The following STAU2 variants were observed in gnomAD, a reference collection of about 807,000 sequenced individuals.
STAU2 encodes the protein double-stranded RNA-binding protein Staufen homolog 2.
Under a neutral mutation model 65.9 loss-of-function variants are expected in STAU2, and 20 were observed. The observed-to-expected ratio is 0.30, with a 90% CI of 0.21 to 0.44. STAU2 has a LOEUF of 0.44. Ranked by LOEUF, STAU2 falls within the 20% of genes least tolerant of loss-of-function variation. The pLI is 1.00. For synonymous variants in STAU2, 232 were observed against 233.9 expected (o/e 0.99, Z 0.07); for missense variants, 558 against 683.9 (o/e 0.82, Z 2.05).
chr8:73,564,104 A>G (rs573476918), intron 12 of STAU2, among the ~76,000 whole-genome samples: 92 of 152,288 alleles, frequency 6.0e-4, no homozygotes, highest in African/African-American at 2.1e-3. Flanking sequence ...TCCAGATCAC[A>G]ACTTCTCCCT....
intron 5 of STAU2, among the ~76,000 whole-genome samples, chr8:73,684,313 G>C (rs1818642090): frequency 6.6e-6 from 1 of 152,064 alleles, no homozygotes; most frequent in Admixed American, 6.6e-5. Flanking sequence ...CCAATACTTA[G>C]AGCAAACTGA....
intron 6 of STAU2, among the ~76,000 whole-genome samples, chr8:73,642,841 T>A (rs892485673): frequency 6.6e-6 from 1 of 152,088 alleles, no homozygotes; most frequent in Non-Finnish European, 1.5e-5. Context: ...TAAATACCTC[T>A]AAAATGGGAG....
chr8:73,566,999 T>C (rs981304349), intron 12 of STAU2, among the ~76,000 whole-genome samples: 18 of 152,338 alleles, frequency 1.2e-4, no homozygotes, highest in African/African-American at 3.8e-4. Context: ...ATACTAATTA[T>C]GCCAACCATT....
chr8:73,534,846 A>G (rs1056280984), intron 13 of STAU2, among the ~76,000 whole-genome samples: 1 of 152,194 alleles, frequency 6.6e-6, no homozygotes, highest in African/African-American at 2.4e-5. Context: ...GTTTCACTCT[A>G]AATGCAATAT....
At chr8:73,726,475 C>T (rs966583345) in intron 3 of STAU2, among the ~76,000 whole-genome samples, 1 of 151,792 alleles carries the variant, frequency 6.6e-6, no homozygotes, top group African/African-American at 2.4e-5. Context: ...TTTTCTGTTG[C>T]CCCTCCCTTC....
chr8:73,657,909 G>A (rs189067508), intron 6 of STAU2, among the ~76,000 whole-genome samples: 18 of 152,116 alleles, frequency 1.2e-4, no homozygotes, highest in African/African-American at 2.9e-4. Flanking sequence ...AGCTACTAGG[G>A]AAGCTGAGGC....
At chr8:73,696,658 A>C (rs1819709590) in intron 4 of STAU2, among the ~76,000 whole-genome samples, 1 of 152,242 alleles carries the variant, frequency 6.6e-6, no homozygotes, top group Non-Finnish European at 1.5e-5. Context: ...GTGAGCTTGA[A>C]GACAGGCTAT....
At chr8:73,745,294 A>G (rs529011554) in intron 1 of STAU2, among the ~76,000 whole-genome samples, 1 of 152,382 alleles carries the variant, frequency 6.6e-6, no homozygotes, top group South Asian at 2.1e-4. Flanking sequence ...ATCTGGCCAT[A>G]CTACAAAACA....
intron 13 of STAU2, among the ~76,000 whole-genome samples, chr8:73,516,773 T>C (rs932473939): frequency 5.3e-5 from 8 of 152,172 alleles, no homozygotes; most frequent in Non-Finnish European, 1.5e-5. Context: ...TAATACTCTT[T>C]AGGTTGTAAA....
chr8:73,485,750 C>G (rs7841768), intron 13 of STAU2, among the ~76,000 whole-genome samples: 81,269 of 151,982 alleles, frequency 0.53, 23,469 homozygotes, highest in East Asian at 0.88. Context: ...AGGAGGACTA[C>G]TTGAGAGCAG....
At chr8:73,582,883 G>GAAAA in intron 11 of STAU2, 53 bp from the exon 12 acceptor site, 1 of 1,156,384 alleles carries the variant, frequency 8.6e-7, no homozygotes, top group Non-Finnish European at 1.2e-6. Context: ...TATTCAAAAA[G>GAAAA]AAAAAAAAAA....
intron 2 of STAU2, 78 bp downstream of exon 2, chr8:73,739,678 G>A (rs1217034342): frequency 1.8e-6 from 2 of 1,121,666 alleles, no homozygotes; most frequent in African/African-American, 1.6e-5. Flanking sequence ...CATTTCCTAT[G>A]AGAACGGGAT....
chr8:73,550,182 A>G, intron 13 of STAU2: 1 of 985,172 alleles, frequency 1.0e-6, no homozygotes, highest in Non-Finnish European at 1.2e-6. Context: ...TATATTCATT[A>G]GTATGTAAAA....
intron 12 of STAU2, among the ~76,000 whole-genome samples, chr8:73,581,601 AGG>A (rs1809988388): frequency 6.6e-6 from 1 of 152,196 alleles, no homozygotes; most frequent in African/African-American, 2.4e-5. Flanking sequence ...CAAACATCAA[AGG>A]AACTGAACAC....
chr8:73,582,758 A>G lies in STAU2; in HGVS notation c.1222+12T>C. The stretch of plus-strand genomic sequence containing the variant: ...AACACCAAGTGCAGACAACATAAAA[A>G]TGAGAACTTACTATTATTTGTTGGT... On this transcript the variant is annotated intron_variant, in intron 12 of 14. Transcript: ENST00000524300. The G allele has an allele frequency of 5.6e-6, 9 of 1,612,908 alleles. No individual in the cohort carries two copies. The highest frequency in any genetic ancestry group is 7.6e-6 in the Non-Finnish European group (9 of 1,179,122).
At chr8:73,670,392 A>G (rs891200706) in intron 6 of STAU2, 1 of 152,012 alleles carries the variant, frequency 6.6e-6, no homozygotes, top group Non-Finnish European at 1.5e-5. Flanking sequence ...AAAAAGACGG[A>G]CTAGATGCCA....
intron 13 of STAU2, among the ~76,000 whole-genome samples, chr8:73,477,996 A>G (rs10957667): frequency 0.8 from 120,904 of 151,404 alleles, 49,070 homozygotes; most frequent in East Asian, 0.95. Context: ...ATTGTCTGAC[A>G]CACTGAAGTG....
At chr8:73,455,741 C>T (rs1819026885) in intron 13 of STAU2, among the ~76,000 whole-genome samples, 1 of 152,140 alleles carries the variant, frequency 6.6e-6, no homozygotes, top group Non-Finnish European at 1.5e-5. Context: ...ATGCTTTGCC[C>T]ATATATCTGT....
chr8:73,566,607 AG>A (rs1489135103), intron 12 of STAU2, among the ~76,000 whole-genome samples: 2 of 152,224 alleles, frequency 1.3e-5, no homozygotes, highest in East Asian at 3.8e-4. Context: ...CTAGAAATAA[AG>A]GTGCTGTCTA....
Sources: allele counts gnomAD v4.1 joint callset (sites outside exome capture counted in the v4.1 genomes callset), GRCh38; gene constraint gnomAD v4.1.1; transcripts MANE v1.5; gene names NCBI Gene and HGNC (gene_info 2026-07-23, HGNC 2026-07-21).